Variants in PRKN observed in about 807,000 individuals in gnomAD.
PRKN encodes parkin RBR E3 ubiquitin protein ligase, also known as E3 ubiquitin-protein ligase parkin.
In PRKN, 56 loss-of-function variants were observed where a neutral mutation model predicts 59.5. The observed-to-expected ratio is 0.94, with a 90% CI of 0.76 to 1.18. PRKN has a LOEUF of 1.18. Ranked by LOEUF, PRKN falls within the 50% of genes most tolerant of loss-of-function variation. The pLI is 0.00. For missense variants in PRKN, 657 were observed against 596.4 expected (o/e 1.10, Z -1.06); for synonymous variants, 250 against 222.1 (o/e 1.13, Z -1.12).
At chr6:162,633,813 G>A (rs9346926) in intron 1 of PRKN, among the ~76,000 whole-genome samples, 12,229 of 152,150 alleles carry the variant, frequency 0.08, 676 homozygotes, top group East Asian at 0.31. Flanking sequence ...AGGAACGTGT[G>A]TAGCTAGATG....
At chr6:162,202,794 T>C (rs927972677) in intron 3 of PRKN, among the ~76,000 whole-genome samples, 2 of 152,174 alleles carry the variant, frequency 1.3e-5, no homozygotes, top group African/African-American at 4.8e-5. Flanking sequence ...AACATAAATA[T>C]TTGCAACATG....
intron 4 of PRKN, among the ~76,000 whole-genome samples, chr6:162,157,843 A>G (rs767710252): frequency 2.6e-5 from 4 of 151,930 alleles, no homozygotes; most frequent in Admixed American, 6.5e-5. Flanking sequence ...CATACTGTGG[A>G]TCTCAGGTTT....
intron 6 of PRKN, among the ~76,000 whole-genome samples, chr6:161,800,994 G>T (rs545849078): frequency 6.6e-6 from 1 of 152,264 alleles, no homozygotes; most frequent in South Asian, 2.1e-4. Context: ...GTACCTAGGA[G>T]GAGCTCCAAA....
At chr6:162,500,790 T>C (rs1368201677) in intron 1 of PRKN, among the ~76,000 whole-genome samples, 1 of 152,214 alleles carries the variant, frequency 6.6e-6, no homozygotes, top group Non-Finnish European at 1.5e-5. Flanking sequence ...AGAAGGGCCT[T>C]AAATGTACCT....
chr6:161,899,987 G>A (rs971424681), intron 6 of PRKN, among the ~76,000 whole-genome samples: 5 of 151,996 alleles, frequency 3.3e-5, no homozygotes, highest in African/African-American at 1.2e-4. Flanking sequence ...CTGGGCGTCT[G>A]TAATCCCAGC....
At chr6:161,608,809 G>A (rs1782382816) in intron 7 of PRKN, among the ~76,000 whole-genome samples, 7 of 151,998 alleles carry the variant, frequency 4.6e-5, no homozygotes, top group Admixed American at 4.6e-4. Context: ...CAAAGTGCTA[G>A]GATTACAGGC....
chr6:161,657,526 A>T (rs1359377821), intron 7 of PRKN, among the ~76,000 whole-genome samples: 1 of 152,076 alleles, frequency 6.6e-6, no homozygotes, highest in Non-Finnish European at 1.5e-5. Context: ...GTAATTTTTT[A>T]AAAATCCTGC....
chr6:161,861,846 T>C (rs1244488773), intron 6 of PRKN, among the ~76,000 whole-genome samples: 7 of 152,226 alleles, frequency 4.6e-5, no homozygotes. Flanking sequence ...ACTAGATTTG[T>C]TTCCTGTCAC....
rs543796778 is a variant in PRKN at position 162,443,075 on chromosome 6, GTTCT to G, written c.171+231_171+234del. Among the ~76,000 whole-genome samples, 615 of 152,202 alleles carry G rather than the reference GTTCT, an allele frequency of 4.0e-3. 7 individuals are homozygous for G. The highest frequency in any genetic ancestry group is 0.014 in the African/African-American group (591 of 41,498). On this transcript the variant is annotated intron_variant, in intron 2 of 11. Coordinates refer to ENST00000366898, the MANE Select transcript of PRKN (RefSeq NM_004562.3). Reference sequence around the variant, plus strand: ...TTTATTCACTAAGCCTAGCTCGTGTGTTCTTTCTCTCTCTCTTTCTCACTCGCAG... The same window carrying G: ...TTTATTCACTAAGCCTAGCTCGTGTGTTCTCTCTCTCTTTCTCACTCGCAG...
At chr6:161,854,084 T>TAAAAAAA (rs34040894) in intron 6 of PRKN, among the ~76,000 whole-genome samples, 2 of 103,696 alleles carry the variant, frequency 1.9e-5, no homozygotes, top group African/African-American at 7.9e-5. Flanking sequence ...TGTTTCTACA[T>TAAAAAAA]AAAAAAAAAA....
chr6:162,137,854 T>G (rs555586719), intron 4 of PRKN, among the ~76,000 whole-genome samples: 36 of 152,288 alleles, frequency 2.4e-4, no homozygotes, highest in African/African-American at 8.7e-4. Context: ...AATTTCAACA[T>G]GAGTTTTGGA....
chr6:161,715,005 G>T (rs1057303915), intron 7 of PRKN, among the ~76,000 whole-genome samples: 1 of 152,020 alleles, frequency 6.6e-6, no homozygotes, highest in East Asian at 1.9e-4. Context: ...TATCCTTCCC[G>T]CCTGCTTCCT....
chr6:162,531,332 C>A (rs1778505341), intron 1 of PRKN, among the ~76,000 whole-genome samples: 2 of 152,118 alleles, frequency 1.3e-5, no homozygotes, highest in East Asian at 3.9e-4. Flanking sequence ...CGATTCATCA[C>A]AACAGGGGAA....
chr6:161,663,328 T>C (rs1784614768), intron 7 of PRKN, among the ~76,000 whole-genome samples: 1 of 152,204 alleles, frequency 6.6e-6, no homozygotes, highest in African/African-American at 2.4e-5. Context: ...TGGCGAAGTC[T>C]CTGACCACTC....
chr6:161,944,072 C>G (rs1245730440), intron 6 of PRKN, among the ~76,000 whole-genome samples: 5 of 137,398 alleles, frequency 3.6e-5, no homozygotes, highest in African/African-American at 1.3e-4. Context: ...CCTGAGGGAT[C>G]AGCCTGAGGG....
At chr6:161,749,155 G>A (rs962658019) in intron 7 of PRKN, among the ~76,000 whole-genome samples, 3 of 152,138 alleles carry the variant, frequency 2.0e-5, no homozygotes, top group Non-Finnish European at 2.9e-5. Context: ...AACCCCCTCC[G>A]GGTCTACCCC....
chr6:162,162,405 A>G (rs1782796668), intron 4 of PRKN, among the ~76,000 whole-genome samples: 1 of 152,154 alleles, frequency 6.6e-6, no homozygotes, highest in African/African-American at 2.4e-5. Context: ...ATCGGTGAGG[A>G]GTCCTGGAAC....
At chr6:162,124,636 G>A (rs1781048704) in intron 4 of PRKN, among the ~76,000 whole-genome samples, 1 of 152,150 alleles carries the variant, frequency 6.6e-6, no homozygotes, top group African/African-American at 2.4e-5. Context: ...TGAGGTGTCT[G>A]GGGAGCATAA....
chr6:162,696,026 A>G (rs370913103), intron 1 of PRKN, among the ~76,000 whole-genome samples: 3 of 152,116 alleles, frequency 2.0e-5, no homozygotes, highest in African/African-American at 7.2e-5. Context: ...ACGAGCTCTG[A>G]CTACAGAAAG....
Sources: allele counts gnomAD v4.1 joint callset (sites outside exome capture counted in the v4.1 genomes callset), GRCh38; gene constraint gnomAD v4.1.1; transcripts MANE v1.5; gene names NCBI Gene and HGNC (gene_info 2026-07-23, HGNC 2026-07-21).